SLC39A11: variants seen among roughly 807,000 people sequenced by gnomAD.
SLC39A11 encodes zinc transporter ZIP11.
In SLC39A11, 33 loss-of-function variants were observed where a neutral mutation model predicts 36.1. The observed-to-expected ratio is 0.91, with a 90% CI of 0.69 to 1.22. SLC39A11 has a LOEUF of 1.22. SLC39A11 is among the 50% of genes most tolerant of loss of function. The probability of loss-of-function intolerance (pLI) is 0.00; values close to 1 mark genes in which losing one functional copy is unlikely to be tolerated. For missense variants in SLC39A11, 432 were observed against 430.3 expected, an observed-to-expected ratio of 1.00 and a Z score of -0.03; for synonymous variants, 166 against 170.3, an observed-to-expected ratio of 0.97 and a Z score of 0.20.
At chr17:72,913,012 G>A (rs1454643062) in intron 5 of SLC39A11, among the ~76,000 whole-genome samples, 2 of 152,006 alleles carry the variant, frequency 1.3e-5, no homozygotes. Flanking sequence ...ATATGCTTGG[G>A]TATTAAAGTA....
intron 7 of SLC39A11, among the ~76,000 whole-genome samples, chr17:72,708,988 T>C (rs1254583016): frequency 1.3e-5 from 2 of 151,016 alleles, no homozygotes; most frequent in Middle Eastern, 3.4e-3. Flanking sequence ...CAGGCTGGAG[T>C]GCAGTGACGC....
chr17:72,910,656 G>C (rs975301147), intron 5 of SLC39A11, among the ~76,000 whole-genome samples: 3 of 140,812 alleles, frequency 2.1e-5, no homozygotes, highest in African/African-American at 8.0e-5. Flanking sequence ...GCTGGGCACA[G>C]TGACTCATGG....
intron 3 of SLC39A11, among the ~76,000 whole-genome samples, chr17:73,053,593 G>A (rs1290598370): frequency 6.6e-6 from 1 of 152,114 alleles, no homozygotes; most frequent in Non-Finnish European, 1.5e-5. Flanking sequence ...TTTTACAAAT[G>A]GGGAAACTCA....
chr17:72,863,701 G>A (rs1265298007), intron 5 of SLC39A11, among the ~76,000 whole-genome samples: 9 of 152,180 alleles, frequency 5.9e-5, no homozygotes, highest in Non-Finnish European at 1.2e-4. Context: ...TTGTAGAATC[G>A]CCCATGCCAG....
At chr17:72,952,449 G>A (rs2085929671) in intron 4 of SLC39A11, among the ~76,000 whole-genome samples, 1 of 152,098 alleles carries the variant, frequency 6.6e-6, no homozygotes, top group African/African-American at 2.4e-5. Flanking sequence ...CAACCTGCTG[G>A]GCTGACATGC....
chr17:72,894,500 A>T (rs1167743437), intron 5 of SLC39A11, among the ~76,000 whole-genome samples: 1 of 32,428 alleles, frequency 3.1e-5, no homozygotes, highest in Non-Finnish European at 5.3e-5. Flanking sequence ...CATCCCTACT[A>T]AAAAAAAAAA....
intron 6 of SLC39A11, among the ~76,000 whole-genome samples, chr17:72,766,917 C>A (rs1320717242): frequency 6.6e-6 from 1 of 152,118 alleles, no homozygotes; most frequent in Non-Finnish European, 1.5e-5. Context: ...GACATGCCAG[C>A]CCCAAGATAA....
chr17:72,775,775 G>T (rs1290744879), intron 6 of SLC39A11, among the ~76,000 whole-genome samples: 1 of 152,136 alleles, frequency 6.6e-6, no homozygotes. Flanking sequence ...CCTTCTCTGG[G>T]GTCCAGCGAT....
intron 6 of SLC39A11, among the ~76,000 whole-genome samples, chr17:72,812,753 A>T (rs1400271875): frequency 6.6e-6 from 1 of 152,218 alleles, no homozygotes; most frequent in Non-Finnish European, 1.5e-5. Context: ...TGACAAATAA[A>T]TAGCAAGTTC....
chr17:72,791,957 T>C (rs181808920), intron 6 of SLC39A11, among the ~76,000 whole-genome samples: 17 of 152,302 alleles, frequency 1.1e-4, no homozygotes, highest in African/African-American at 2.2e-4. Context: ...GGCAGTTCTT[T>C]ATAGTGGCAT....
chr17:73,009,319 C>T (rs1406559812), intron 4 of SLC39A11, among the ~76,000 whole-genome samples: 1 of 141,258 alleles, frequency 7.1e-6, no homozygotes, highest in African/African-American at 2.7e-5. Flanking sequence ...TGCGCCACTG[C>T]ACTCCATCCT....
At chr17:72,762,810 CTCTT>C (rs141910059) in intron 6 of SLC39A11, among the ~76,000 whole-genome samples, 3,421 of 152,254 alleles carry the variant, frequency 0.022, 55 homozygotes, top group Non-Finnish European at 0.036. Flanking sequence ...TCAAACAGAA[CTCTT>C]TCTCAGCTCC....
chr17:72,958,604 A>C (rs1457332373), intron 4 of SLC39A11, among the ~76,000 whole-genome samples: 2 of 152,226 alleles, frequency 1.3e-5, no homozygotes, highest in Non-Finnish European at 2.9e-5. Flanking sequence ...TAATCCCAGC[A>C]CTTTGCGAGG....
intron 5 of SLC39A11, among the ~76,000 whole-genome samples, chr17:72,885,344 C>T (rs1489042196): frequency 5.9e-5 from 9 of 152,096 alleles, no homozygotes; most frequent in Non-Finnish European, 2.9e-5. Flanking sequence ...TATTCCAAAG[C>T]GAGTAATAAT....
intron 5 of SLC39A11, among the ~76,000 whole-genome samples, chr17:72,898,434 C>G (rs1779877668): frequency 6.6e-6 from 1 of 152,168 alleles, no homozygotes; most frequent in Non-Finnish European, 1.5e-5. Context: ...CCAGCTGGTC[C>G]CCAGAGGAGG....
intron 6 of SLC39A11, among the ~76,000 whole-genome samples, chr17:72,758,344 T>C (rs2075441524): frequency 6.6e-6 from 1 of 152,232 alleles, no homozygotes; most frequent in African/African-American, 2.4e-5. Flanking sequence ...AATTGCAATC[T>C]CTAGCTACAT....
At chr17:72,740,611 T>C (rs1468303797) in intron 6 of SLC39A11, among the ~76,000 whole-genome samples, 1 of 152,110 alleles carries the variant, frequency 6.6e-6, no homozygotes, top group South Asian at 2.1e-4. Flanking sequence ...TGGTACTTTG[T>C]GTGGGTCCCG....
rs199561440 is a variant in SLC39A11 at position 72,846,310 on chromosome 17, A to G, written c.601+3324T>C. Among the ~76,000 whole-genome samples the G allele has an allele frequency of 2.6e-5, 4 of 152,142 alleles. No individual in the cohort carries two copies. In the South Asian group the frequency reaches 8.3e-4, roughly 32 times the overall value. On this transcript the variant is annotated intron_variant, in intron 6 of 9. Transcript: ENST00000255559. ...TTCCCAAAGTGCTGGGATTACAGGC[A>G]TGAGCCACTGCACCTGGCCTCAATC...
intron 4 of SLC39A11, among the ~76,000 whole-genome samples, chr17:72,978,194 C>G (rs2088006286): frequency 6.8e-6 from 1 of 147,882 alleles, no homozygotes; most frequent in Non-Finnish European, 1.5e-5. Context: ...TAGGCGTTCC[C>G]TGCCTTCCTC....
Sources: gnomAD v4.1 joint callset for allele counts (sites outside exome capture counted in the v4.1 genomes callset) on GRCh38, gnomAD v4.1.1 for gene constraint, MANE v1.5 for transcripts, NCBI Gene and HGNC (gene_info 2026-07-23, HGNC 2026-07-21) for gene names.